The following TMTC2 variants were observed in gnomAD, a reference collection of about 807,000 sequenced individuals.
TMTC2 encodes protein O-mannosyl-transferase TMTC2.
Under a neutral mutation model 82.4 loss-of-function variants are expected in TMTC2, and 43 were observed. That is an observed-to-expected ratio of 0.52 (90% CI 0.41 to 0.67). The LOEUF (loss-of-function observed/expected upper bound fraction) is 0.67. TMTC2 is among the 30% of genes least tolerant of loss of function. The probability of loss-of-function intolerance (pLI) is 0.00; values close to 1 mark genes in which losing one functional copy is unlikely to be tolerated. For synonymous variants in TMTC2, 408 were observed against 381.9 expected, an observed-to-expected ratio of 1.07 and a Z score of -0.80; for missense variants, 919 against 1,012.4, an observed-to-expected ratio of 0.91 and a Z score of 1.25.
At chr12:82,787,320 T>G (rs1878223665) in intron 1 of TMTC2, among the ~76,000 whole-genome samples, 1 of 152,128 alleles carries the variant, frequency 6.6e-6, no homozygotes, top group African/African-American at 2.4e-5. Context: ...GGATAGCTTG[T>G]TTGTTGTTTT....
intron 1 of TMTC2, among the ~76,000 whole-genome samples, chr12:82,692,781 C>T (rs149266392): frequency 6.6e-6 from 1 of 152,294 alleles, no homozygotes; most frequent in East Asian, 1.9e-4. Flanking sequence ...AAGACCTCTC[C>T]TCTATAAATA....
chr12:83,082,867 G>A (rs1157793119), intron 11 of TMTC2, among the ~76,000 whole-genome samples: 1 of 152,200 alleles, frequency 6.6e-6, no homozygotes, highest in Admixed American at 6.5e-5. Flanking sequence ...CTATTTGGAA[G>A]AGCATTTTAT....
chr12:83,120,389 T>C (rs1474673091), intron 11 of TMTC2, among the ~76,000 whole-genome samples: 1 of 152,202 alleles, frequency 6.6e-6, no homozygotes, highest in Admixed American at 6.5e-5. Flanking sequence ...TGAAAAAGAC[T>C]GTATCTTTCC....
chr12:82,725,839 A>G (rs1352851832), intron 1 of TMTC2, among the ~76,000 whole-genome samples: 5 of 152,224 alleles, frequency 3.3e-5, no homozygotes, highest in Non-Finnish European at 1.5e-5. Flanking sequence ...ATTAATAGAA[A>G]GGAAATGTTC....
At chr12:82,784,321 G>A (rs890928123) in intron 1 of TMTC2, among the ~76,000 whole-genome samples, 7 of 152,028 alleles carry the variant, frequency 4.6e-5, no homozygotes, top group Non-Finnish European at 1.0e-4. Flanking sequence ...TTGGCTAGGG[G>A]ACTATATCTT....
intron 2 of TMTC2, among the ~76,000 whole-genome samples, chr12:82,882,090 C>G (rs1287019788): frequency 1.4e-5 from 2 of 146,624 alleles, no homozygotes; most frequent in Non-Finnish European, 3.0e-5. Context: ...AGCTCCGCCT[C>G]CCGGGTTCAC....
intron 1 of TMTC2, among the ~76,000 whole-genome samples, chr12:82,851,909 A>G (rs1336654620): frequency 6.6e-6 from 1 of 152,072 alleles, no homozygotes; most frequent in Non-Finnish European, 1.5e-5. Flanking sequence ...GAGACAAAAA[A>G]AAAAAAGCTG....
intron 1 of TMTC2, among the ~76,000 whole-genome samples, chr12:82,788,579 G>C (rs538456557): frequency 4.6e-5 from 7 of 152,102 alleles, no homozygotes; most frequent in African/African-American, 1.4e-4. Flanking sequence ...AATTTGTTTA[G>C]TTACAATCTC....
At position 82,788,136 on chromosome 12, in the gene TMTC2, A is replaced by C. The variant is rs1352409345; in HGVS notation, c.84-68874A>C. 3.3e-5 allele frequency among the ~76,000 whole-genome samples: 5 copies of C among 152,034 alleles called. No individual in the cohort carries two copies. In the East Asian group the frequency reaches 9.6e-4, roughly 29 times the overall value. On this transcript the variant is annotated intron_variant, in intron 1 of 11. Transcript: ENST00000321196. ...AAACGACTGTAATGGATTTTCTTTA[A>C]AAAAGTCAGATCTGCTACTATATTT...
intron 11 of TMTC2, among the ~76,000 whole-genome samples, chr12:83,130,150 C>A (rs941313035): frequency 1.3e-5 from 2 of 152,210 alleles, no homozygotes; most frequent in African/African-American, 4.8e-5. Context: ...TAGCAGGAAT[C>A]TGAACATTGT....
intron 9 of TMTC2, among the ~76,000 whole-genome samples, chr12:83,031,459 G>A (rs558487391): frequency 1.3e-5 from 2 of 148,700 alleles, no homozygotes; most frequent in East Asian, 2.1e-4. Flanking sequence ...ACTCTGCTCT[G>A]TCATTAGTAG....
intron 3 of TMTC2, among the ~76,000 whole-genome samples, chr12:82,929,022 A>G (rs1466081610): frequency 1.3e-5 from 2 of 152,090 alleles, no homozygotes; most frequent in African/African-American, 2.4e-5. Context: ...GATAATAGCA[A>G]TATTTATTGA....
intron 1 of TMTC2, among the ~76,000 whole-genome samples, chr12:82,808,100 T>C (rs1879325944): frequency 6.6e-6 from 1 of 151,820 alleles, no homozygotes; most frequent in African/African-American, 2.4e-5. Flanking sequence ...AAAAAAACTG[T>C]TTAAAAAACA....
chr12:82,857,712 AAGTG>A, intron 2 of TMTC2, 132 bp downstream of exon 2: 2 of 771,604 alleles, frequency 2.6e-6, no homozygotes, highest in South Asian at 3.9e-5. Context: ...GATCTTCAGT[AAGTG>A]GAAGTGTCCT....
intron 1 of TMTC2, among the ~76,000 whole-genome samples, chr12:82,743,095 T>A (rs1422125682): frequency 1.3e-5 from 2 of 152,178 alleles, no homozygotes; most frequent in Non-Finnish European, 2.9e-5. Flanking sequence ...GATTTACCTT[T>A]TGGTAAATGA....
chr12:82,935,158 C>T (rs1329669261), intron 4 of TMTC2, among the ~76,000 whole-genome samples: 1 of 152,018 alleles, frequency 6.6e-6, no homozygotes, highest in Non-Finnish European at 1.5e-5. Context: ...CATACCTGTG[C>T]TAAGAGCTGC....
At chr12:83,032,285 A>ATATATG (rs1555206992) in intron 9 of TMTC2, among the ~76,000 whole-genome samples, 1,100 of 85,610 alleles carry the variant, frequency 0.013, 25 homozygotes, top group East Asian at 0.079. Context: ...ATATATATAT[A>ATATATG]TATATATATA....
At chr12:82,759,760 G>A (rs1490609271) in intron 1 of TMTC2, 3 of 152,190 alleles carry the variant, frequency 2.0e-5, no homozygotes, top group East Asian at 1.9e-4. Context: ...CAGCCCAAAG[G>A]CGAGTTTGTA....
At chr12:82,930,064 G>A (rs1349087687) in intron 3 of TMTC2, among the ~76,000 whole-genome samples, 1 of 151,920 alleles carries the variant, frequency 6.6e-6, no homozygotes, top group Non-Finnish European at 1.5e-5. Flanking sequence ...TTTATTTTAA[G>A]ATCATTTCTT....
Sources: gnomAD v4.1 joint callset for allele counts (sites outside exome capture counted in the v4.1 genomes callset) on GRCh38, gnomAD v4.1.1 for gene constraint, MANE v1.5 for transcripts, NCBI Gene and HGNC (gene_info 2026-07-23, HGNC 2026-07-21) for gene names.